Variants in IFNG-AS1 observed in about 807,000 individuals in gnomAD.
The protein encoded by IFNG-AS1 is IFNG regulatory antisense RNA 1, also known as IFNG antisense RNA 1 (non-protein coding).
chr12:67,993,076 A>C (rs1442898647), intron 1 of IFNG-AS1, among the ~76,000 whole-genome samples: 1 of 152,232 alleles, frequency 6.6e-6, no homozygotes, highest in Non-Finnish European at 1.5e-5. Context: ...GGGATTTCAG[A>C]CACAAACAGG....
chr12:68,005,374 G>A (rs975857380), intron 2 of IFNG-AS1, among the ~76,000 whole-genome samples: 11 of 152,048 alleles, frequency 7.2e-5, no homozygotes, highest in African/African-American at 1.7e-4. Flanking sequence ...GTAGAAATGC[G>A]CACACACATG....
chr12:68,005,836 G>T (rs1490924275), intron 2 of IFNG-AS1, among the ~76,000 whole-genome samples: 1 of 152,110 alleles, frequency 6.6e-6, no homozygotes, highest in Non-Finnish European at 1.5e-5. Flanking sequence ...TTATACCTTT[G>T]TTTCTCATAT....
intron 3 of IFNG-AS1, among the ~76,000 whole-genome samples, chr12:68,010,058 G>A (rs550906767): frequency 1.3e-5 from 2 of 152,302 alleles, no homozygotes; most frequent in East Asian, 3.9e-4. Flanking sequence ...TGCCACATAT[G>A]AATGTTTACC....
chr12:68,010,282 A>AT (rs1879996420), intron 3 of IFNG-AS1, among the ~76,000 whole-genome samples: 1 of 152,228 alleles, frequency 6.6e-6, no homozygotes, highest in African/African-American at 2.4e-5. Flanking sequence ...TTTGTTCAGC[A>AT]TTTTTCAAAG....
intron 3 of IFNG-AS1, among the ~76,000 whole-genome samples, chr12:68,011,450 C>T (rs1437847843): frequency 2.0e-5 from 3 of 152,122 alleles, no homozygotes; most frequent in Admixed American, 6.5e-5. Flanking sequence ...TGTAACTCCT[C>T]CAAAATAACC....
At chr12:67,993,044 T>C (rs986111003) in intron 1 of IFNG-AS1, among the ~76,000 whole-genome samples, 1 of 152,242 alleles carries the variant, frequency 6.6e-6, no homozygotes, top group Non-Finnish European at 1.5e-5. Flanking sequence ...CTTGTCACTT[T>C]CCTGTCCTTG....
chr12:68,016,527 C>A lies in IFNG-AS1; in HGVS notation n.242-3335C>A, dbSNP rs1592830379. On this transcript the variant is annotated intron_variant and non_coding_transcript_variant, in intron 3 of 5. Transcript: ENST00000536914. ...CACATTACTCAACTTCTCTGAGACTCTTTACTTCATTCCAAACATGGAGAT... is the reference window on the plus strand; with the variant it reads ...CACATTACTCAACTTCTCTGAGACTATTTACTTCATTCCAAACATGGAGAT... Among the ~76,000 whole-genome samples the A allele has an allele frequency of 5.3e-5, 8 of 152,232 alleles. 1 individual carries two copies. In the South Asian group the frequency reaches 1.7e-3, roughly 32 times the overall value.
At chr12:68,014,150 A>T (rs555578996) in intron 3 of IFNG-AS1, among the ~76,000 whole-genome samples, 27 of 152,314 alleles carry the variant, frequency 1.8e-4, no homozygotes, top group Admixed American at 1.7e-3. Flanking sequence ...GTAGTTTTCC[A>T]TCATAATGTA....
intron 1 of IFNG-AS1, among the ~76,000 whole-genome samples, chr12:67,991,079 T>C (rs770662293): frequency 1.3e-5 from 2 of 152,124 alleles, no homozygotes; most frequent in East Asian, 1.9e-4. Context: ...GACACACACA[T>C]ATCACAGTAA....
chr12:68,010,039 T>G (rs1469275547), intron 3 of IFNG-AS1, among the ~76,000 whole-genome samples: 1 of 152,252 alleles, frequency 6.6e-6, no homozygotes, highest in Non-Finnish European at 1.5e-5. Flanking sequence ...TATTTTTAGA[T>G]TTAACTTTTG....
At chr12:67,995,419 CA>C (rs34141511) in intron 1 of IFNG-AS1, among the ~76,000 whole-genome samples, 18,243 of 78,112 alleles carry the variant, frequency 0.23, 1,296 homozygotes, top group East Asian at 0.46. Context: ...GACTCCATTT[CA>C]AAAAAAAAAA....
At chr12:67,990,238 T>C (rs1879472690) in intron 1 of IFNG-AS1, among the ~76,000 whole-genome samples, 1 of 152,266 alleles carries the variant, frequency 6.6e-6, no homozygotes, top group Non-Finnish European at 1.5e-5. Flanking sequence ...ATCACGTAAA[T>C]AATTTTGCTT....
chr12:68,015,232 T>A (rs1030998167), intron 3 of IFNG-AS1, among the ~76,000 whole-genome samples: 1 of 152,120 alleles, frequency 6.6e-6, no homozygotes, highest in Non-Finnish European at 1.5e-5. Context: ...AACTCGGGGC[T>A]GGATTATGTG....
rs188313903 is a variant in IFNG-AS1, at chr12:67,996,667, A to C, written n.184+594A>C. ...ACTTGGCTTCTCTCTTTCAAATGGA[A>C]GCTAGCAGAAAAGCTCAGGAACTCA... is the stretch of plus-strand genomic sequence containing the variant. On this transcript the variant is annotated intron_variant and non_coding_transcript_variant, in intron 2 of 5. Transcript: ENST00000536914. Among the ~76,000 whole-genome samples, 676 of 152,318 alleles carry C rather than the reference A, an allele frequency of 4.4e-3. 6 individuals carry two copies. Among genetic ancestry groups the C allele is most frequent in the African/African-American group, 0.016 (651 of 41,552 alleles).
intron 1 of IFNG-AS1, among the ~76,000 whole-genome samples, chr12:67,991,455 C>T (rs1042959275): frequency 6.6e-6 from 1 of 152,136 alleles, no homozygotes; most frequent in Admixed American, 6.5e-5. Flanking sequence ...CTCAGGAGAC[C>T]AGGGGATGCT....
chr12:68,013,461 C>A (rs1252514076), intron 3 of IFNG-AS1: 1 of 152,224 alleles, frequency 6.6e-6, no homozygotes, highest in Non-Finnish European at 1.5e-5. Context: ...GGTTACATGT[C>A]ACAAATATAT....
At chr12:68,010,410 T>C (rs1879999423) in intron 3 of IFNG-AS1, among the ~76,000 whole-genome samples, 1 of 152,216 alleles carries the variant, frequency 6.6e-6, no homozygotes, top group African/African-American at 2.4e-5. Flanking sequence ...GTCAAAATAA[T>C]TCAGAGCAAA....
At chr12:67,997,829 CTAGA>C (rs766675547) in intron 2 of IFNG-AS1, among the ~76,000 whole-genome samples, 2 of 151,444 alleles carry the variant, frequency 1.3e-5, no homozygotes, top group South Asian at 2.1e-4. Flanking sequence ...AAATATTGAA[CTAGA>C]TAAAGAAACA....
intron 2 of IFNG-AS1, among the ~76,000 whole-genome samples, chr12:68,000,418 T>G (rs550353363): frequency 1.2e-3 from 184 of 152,302 alleles, no homozygotes; most frequent in Non-Finnish European, 2.2e-3. Flanking sequence ...CTCAGCATTT[T>G]GGGAGGCTAA....
Sources: gnomAD v4.1 joint callset for allele counts (sites outside exome capture counted in the v4.1 genomes callset) on GRCh38, gnomAD v4.1.1 for gene constraint, MANE v1.5 for transcripts, NCBI Gene and HGNC (gene_info 2026-07-23, HGNC 2026-07-21) for gene names.